The following PLCB1 variants were observed in gnomAD, a reference collection of about 807,000 sequenced individuals.
The protein encoded by PLCB1 is phospholipase C beta 1.
A neutral mutation model predicts 161.8 loss-of-function variants in PLCB1; 46 were observed. The observed-to-expected ratio is 0.28, with a 90% CI of 0.22 to 0.36. The LOEUF is 0.36. Among genes scored for constraint, PLCB1 ranks in the 10% least tolerant of loss-of-function variants. PLCB1 has a pLI of 1.00. For synonymous variants in PLCB1, 517 were observed against 503.7 expected (o/e 1.03, Z -0.35); for missense variants, 1,016 against 1,472.5 (o/e 0.69, Z 5.07).
intron 4 of PLCB1, among the ~76,000 whole-genome samples, chr20:8,645,735 C>T (rs1009684372): frequency 6.6e-6 from 1 of 152,136 alleles, no homozygotes; most frequent in African/African-American, 2.4e-5. Flanking sequence ...TTTGCATGTT[C>T]TGCTGGAAAC....
chr20:8,779,462 C>T (rs1263602937), intron 27 of PLCB1, among the ~76,000 whole-genome samples: 2 of 131,356 alleles, frequency 1.5e-5, no homozygotes, highest in African/African-American at 2.9e-5. Context: ...TATCATGATA[C>T]GAGATGTAAA....
intron 3 of PLCB1, among the ~76,000 whole-genome samples, chr20:8,400,949 G>A (rs1239858139): frequency 2.0e-5 from 3 of 152,230 alleles, no homozygotes; most frequent in East Asian, 3.9e-4. Flanking sequence ...ATTATGAAAT[G>A]CATTGCCAAA....
At position 8,591,482 on chromosome 20, in the gene PLCB1, A is replaced by G. The variant is rs569104800; in HGVS notation, c.247-36812A>G. Among the ~76,000 whole-genome samples the G allele has an allele frequency of 2.6e-3, 389 of 152,358 alleles. 1 individual carries two copies. Among genetic ancestry groups the G allele is most frequent in the Non-Finnish European group, 4.4e-3 (298 of 68,032 alleles). On this transcript the variant is annotated intron_variant, in intron 3 of 31. Transcript: ENST00000338037. ...TCTAACTCAGTTTGGTAAGATTCCA[A>G]TTTAGAAGCTAAGGTAAAGGAAAAC...
At chr20:8,778,358 C>G (rs6056101) in intron 27 of PLCB1, among the ~76,000 whole-genome samples, 144,858 of 152,160 alleles carry the variant, frequency 0.95, 69,082 homozygotes, top group East Asian at 1. Context: ...AACAATGCCT[C>G]AGCATGAGGC....
At chr20:8,397,413 A>C (rs1217865339) in intron 3 of PLCB1, among the ~76,000 whole-genome samples, 1 of 152,132 alleles carries the variant, frequency 6.6e-6, no homozygotes, top group Non-Finnish European at 1.5e-5. Context: ...TGCTTTTATC[A>C]ATTTTACATT....
intron 9 of PLCB1, among the ~76,000 whole-genome samples, chr20:8,659,522 T>A (rs1989563776): frequency 6.6e-6 from 1 of 152,128 alleles, no homozygotes; most frequent in Non-Finnish European, 1.5e-5. Context: ...ATTAACCAAT[T>A]ATTGAAAAGA....
chr20:8,338,658 A>T (rs1178992266), intron 2 of PLCB1, among the ~76,000 whole-genome samples: 1 of 152,224 alleles, frequency 6.6e-6, no homozygotes, highest in Non-Finnish European at 1.5e-5. Context: ...TATAATTTAT[A>T]TAGAGTAGAA....
At chr20:8,745,924 T>C (rs1231251103) in intron 23 of PLCB1, among the ~76,000 whole-genome samples, 2 of 152,214 alleles carry the variant, frequency 1.3e-5, no homozygotes, top group African/African-American at 2.4e-5. Flanking sequence ...ATGTTTCCTA[T>C]GTACATTTTT....
chr20:8,865,339 C>T (rs1451529622), intron 31 of PLCB1, among the ~76,000 whole-genome samples: 5 of 152,098 alleles, frequency 3.3e-5, no homozygotes, highest in Non-Finnish European at 7.4e-5. Flanking sequence ...AAAAGGCCCC[C>T]AGAAATTTAA....
chr20:8,338,904 G>T (rs189235240), intron 2 of PLCB1, among the ~76,000 whole-genome samples: 1 of 152,254 alleles, frequency 6.6e-6, no homozygotes, highest in Admixed American at 6.5e-5. Context: ...GGAATCACAT[G>T]GTGTGTTTTT....
At chr20:8,154,248 C>A (rs753883258) in intron 2 of PLCB1, among the ~76,000 whole-genome samples, 1 of 152,106 alleles carries the variant, frequency 6.6e-6, no homozygotes, top group Non-Finnish European at 1.5e-5. Flanking sequence ...ATTGGCCTAT[C>A]TTAGGGAATT....
At chr20:8,677,002 A>T (rs1443034291) in intron 9 of PLCB1, among the ~76,000 whole-genome samples, 2 of 152,224 alleles carry the variant, frequency 1.3e-5, no homozygotes, top group Non-Finnish European at 2.9e-5. Context: ...AAACACAAAA[A>T]CAAAGCACTC....
intron 7 of PLCB1, chr20:8,651,585 GACTTCA>G: frequency 2.9e-6 from 2 of 696,102 alleles, no homozygotes; most frequent in Non-Finnish European, 5.3e-6. Flanking sequence ...TCCTGTCCCC[GACTTCA>G]ACAAATATTT....
chr20:8,565,264 A>G (rs919081805), intron 3 of PLCB1, among the ~76,000 whole-genome samples: 9 of 152,106 alleles, frequency 5.9e-5, no homozygotes, highest in Admixed American at 5.9e-4. Context: ...ACATGTTCTC[A>G]CTCATAAGTG....
At chr20:8,153,385 G>T (rs1005697885) in intron 2 of PLCB1, among the ~76,000 whole-genome samples, 1 of 152,104 alleles carries the variant, frequency 6.6e-6, no homozygotes, top group Non-Finnish European at 1.5e-5. Flanking sequence ...AAGTGTAGGT[G>T]ATGTGAAGAG....
intron 4 of PLCB1, among the ~76,000 whole-genome samples, chr20:8,641,123 C>A: frequency 6.6e-6 from 1 of 152,154 alleles, no homozygotes; most frequent in East Asian, 1.9e-4. Flanking sequence ...TCTACATAGC[C>A]AACATAGATG....
At chr20:8,523,028 C>T (rs1279368115) in intron 3 of PLCB1, among the ~76,000 whole-genome samples, 3 of 152,048 alleles carry the variant, frequency 2.0e-5, no homozygotes, top group Non-Finnish European at 4.4e-5. Flanking sequence ...GAGCATGATT[C>T]GTGGTCCTCA....
chr20:8,430,229 G>A (rs1979975790), intron 3 of PLCB1, among the ~76,000 whole-genome samples: 1 of 152,012 alleles, frequency 6.6e-6, no homozygotes, highest in Non-Finnish European at 1.5e-5. Flanking sequence ...TCAAAGCTGA[G>A]TCCAAGATGG....
At chr20:8,784,061 T>C (rs1353485954) in intron 27 of PLCB1, among the ~76,000 whole-genome samples, 2 of 152,162 alleles carry the variant, frequency 1.3e-5, no homozygotes, top group African/African-American at 4.8e-5. Context: ...CATCCTCTCT[T>C]TGTAGCATAA....
Sources: gnomAD v4.1 joint callset for allele counts (sites outside exome capture counted in the v4.1 genomes callset) on GRCh38, gnomAD v4.1.1 for gene constraint, MANE v1.5 for transcripts, NCBI Gene and HGNC (gene_info 2026-07-23, HGNC 2026-07-21) for gene names.